The following MAMSTR variants were observed in gnomAD, a reference collection of about 807,000 sequenced individuals.
MAMSTR encodes the protein MEF2-activating motif and SAP domain-containing transcriptional regulator.
A neutral mutation model predicts 42.7 loss-of-function variants in MAMSTR; 41 were observed. That is an observed-to-expected ratio of 0.96 (90% CI 0.75 to 1.25). The LOEUF is 1.25. Among genes scored for constraint, MAMSTR ranks in the 50% most tolerant of loss-of-function variants. The probability of loss-of-function intolerance (pLI) is 0.00; values close to 1 mark genes in which losing one functional copy is unlikely to be tolerated. For missense variants in MAMSTR, 567 were observed against 557.6 expected, an observed-to-expected ratio of 1.02 and a Z score of -0.17; for synonymous variants, 265 against 244.1, an observed-to-expected ratio of 1.09 and a Z score of -0.80.
chr19:48,707,845 A>AAG (rs1416972747), downstream of MAMSTR, among the ~76,000 whole-genome samples: 1 of 87,092 alleles, frequency 1.1e-5, no homozygotes, highest in Non-Finnish European at 2.5e-5. Context: ...AAAGGAAAGA[A>AAG]AGAAAGAAAG....
intron 2 of MAMSTR, among the ~76,000 whole-genome samples, chr19:48,717,459 A>C (rs1203192583): frequency 6.7e-6 from 1 of 149,966 alleles, no homozygotes; most frequent in Non-Finnish European, 1.5e-5. Context: ...GGACTACCTA[A>C]ATTTTTTTGT....
chr19:48,713,522 G>A lies in MAMSTR; in HGVS notation c.993C>T (p.Phe331=), dbSNP rs1019648818. ...GGGACAGCACGTCGAAGGAGCCAGG[G>A]AAGTCCAGGGGAATAGGGGGCAGGG... ...DDPLPPIPLD[F]PGSFDVLSPS... is the part of the protein sequence containing the mutation. The change falls in exon 10 of 10, where the codon TTC becomes TTT. Residue 331 remains phenylalanine (F), a synonymous_variant. Transcript: ENST00000318083. 4.3e-6 allele frequency: 7 copies of A among 1,612,624 alleles called. No homozygotes were observed. In the Admixed American group the frequency reaches 1.2e-4, roughly 27 times the overall value.
downstream of MAMSTR, among the ~76,000 whole-genome samples, chr19:48,708,624 C>G (rs2032686529): frequency 6.6e-6 from 1 of 152,090 alleles, no homozygotes; most frequent in Non-Finnish European, 1.5e-5. Context: ...TTCAGACAGG[C>G]ACCCCACCAA....
intron 3 of MAMSTR, 27 bp downstream of exon 3, chr19:48,716,678 C>A: frequency 1.5e-6 from 2 of 1,332,346 alleles, no homozygotes; most frequent in East Asian, 3.1e-5. Flanking sequence ...GGGTCACCAT[C>A]CCCTCCCTTT....
At chr19:48,718,923 A>G in intron 2 of MAMSTR, 51 bp downstream of exon 2, 1 of 1,332,872 alleles carries the variant, frequency 7.5e-7, no homozygotes, top group South Asian at 1.3e-5. Context: ...ACCCCAGAGT[A>G]CAGCATTCTC....
downstream of MAMSTR, among the ~76,000 whole-genome samples, chr19:48,710,414 CTTTTTTTTTTTT>C (rs551847729): frequency 0.44 from 46,255 of 105,342 alleles, 10,098 homozygotes; most frequent in Middle Eastern, 0.58. Flanking sequence ...TGGGCCCAAT[CTTTTTTTTTTTT>C]TTTTTTTTTT....
downstream of MAMSTR, among the ~76,000 whole-genome samples, chr19:48,709,695 C>A (rs2032697234): frequency 6.6e-6 from 1 of 152,154 alleles, no homozygotes; most frequent in East Asian, 1.9e-4. Context: ...CCTATGTAAA[C>A]CAGCCAATCC....
intron 2 of MAMSTR, among the ~76,000 whole-genome samples, chr19:48,718,598 T>C (rs2033138109): frequency 6.6e-6 from 1 of 152,214 alleles, no homozygotes; most frequent in East Asian, 1.9e-4. Context: ...AACAAGACCT[T>C]TGACACTTTC....
chr19:48,708,308 C>T (rs1372529194), downstream of MAMSTR, among the ~76,000 whole-genome samples: 1 of 151,036 alleles, frequency 6.6e-6, no homozygotes, highest in Non-Finnish European at 1.5e-5. Flanking sequence ...ATATTTTTTC[C>T]AGTCTACACA....
chr19:48,715,915 G>A, intron 3 of MAMSTR, 148 bp from the exon 4 acceptor site: 2 of 1,435,424 alleles, frequency 1.4e-6, no homozygotes, highest in Non-Finnish European at 1.8e-6. Flanking sequence ...GCCTGAACTG[G>A]ATCTGAGGGC....
rs1601247496 is a variant in MAMSTR at position 48,713,970 on chromosome 19, T to G, written c.799A>C (p.Thr267Pro). ...GCTGCAGCAGGAGCCGGAGTGGGAG[T>G]TGGAGCCGGAGCCGTCCCCGGGGTA... ...ADTPGTAPAP[T>P]PTPAPAAAPA... The change falls in exon 8 of 10, where the codon ACT becomes CCT. Residue 267 changes from threonine (T) to proline (P), a missense_variant. Transcript: ENST00000318083. 1 of 1,613,014 alleles carries G rather than the reference T, an allele frequency of 6.2e-7. No individual in the cohort carries two copies. The highest frequency in any genetic ancestry group is 8.5e-7 in the Non-Finnish European group (1 of 1,179,664).
chr19:48,719,024 A>G lies in MAMSTR; in HGVS notation c.8T>C (p.Leu3Pro). 2 of 1,547,228 alleles carry G rather than the reference A, an allele frequency of 1.3e-6. No homozygotes were observed. The highest frequency in any genetic ancestry group is 1.7e-6 in the Non-Finnish European group (2 of 1,144,388). Residue 3 changes from leucine to proline, a missense_variant, in exon 2 of 10, where the codon CTG becomes CCG. By Grantham distance (98) the Leu-to-Pro change is moderately conservative. Transcript: ENST00000318083. The surrounding 1 kb of genome is among the most constrained non-coding windows in gnomAD (Gnocchi z 4.4). ...TTGGGAACGCTGGGAGGAAGCCGCC[A>G]GGGTCATTGCCAAGGCCGGGATGGG... MT[L>P]AASSQRSQII...
downstream of MAMSTR, among the ~76,000 whole-genome samples, chr19:48,708,288 A>G (rs1364137527): frequency 1.3e-5 from 2 of 150,780 alleles, no homozygotes; most frequent in Admixed American, 1.3e-4. Context: ...GAGAGGAAGG[A>G]GGAGGAGAAA....
downstream of MAMSTR, among the ~76,000 whole-genome samples, chr19:48,711,793 T>G (rs113561372): frequency 8.0e-5 from 11 of 138,254 alleles, no homozygotes; most frequent in African/African-American, 3.0e-4. Context: ...TTGCCCAGGC[T>G]GGAGTGTGGT....
chr19:48,707,866 A>AG (rs2032671084), downstream of MAMSTR, among the ~76,000 whole-genome samples: 2 of 113,024 alleles, frequency 1.8e-5, no homozygotes, highest in Admixed American at 1.7e-4. Flanking sequence ...AAAGAAAGAA[A>AG]GAAAGAAAGA....
In MAMSTR at chr19:48,713,698, T is replaced by C; in HGVS notation, c.964+18A>G. On this transcript the variant is annotated intron_variant, in intron 9 of 9. Coordinates refer to ENST00000318083, the MANE Select transcript of MAMSTR (RefSeq NM_001130915.2). ...CCTCAGCCCCCACCTCCCCTAAATC[T>C]AGCAGTTTGGATCCTACCATCAGGC... 6.2e-7 allele frequency: 1 copy of C among 1,614,062 alleles called. No homozygotes were observed. The highest frequency in any genetic ancestry group is 8.5e-7 in the Non-Finnish European group (1 of 1,179,934).
At chr19:48,715,933 T>G in intron 3 of MAMSTR, 166 bp from the exon 4 acceptor site, 1 of 1,412,974 alleles carries the variant, frequency 7.1e-7, no homozygotes, top group Admixed American at 3.5e-5. Context: ...GGCGGAGGTG[T>G]GGGGGGGCTC....
At chr19:48,707,901 A>AAAAGAAAGGAAGGAAGG (rs1281685985), downstream of MAMSTR, among the ~76,000 whole-genome samples, 2 of 128,452 alleles carry the variant, frequency 1.6e-5, no homozygotes, top group Non-Finnish European at 3.4e-5. Flanking sequence ...AGAAAGAAAG[A>AAAAGAAAGGAAGGAAGG]AAGGAAGAAA....
Position 48,715,610 on chromosome 19 carries a change from C to T in MAMSTR, c.240+15G>A. On this transcript the variant is annotated intron_variant, in intron 4 of 9. Transcript: ENST00000318083. ...TAGGCTCTCAGAGGGACCTCTCCCT[C>T]CAGTCGAGACTCACCTTCTTTGGGG... 4 of 1,526,204 alleles carry T rather than the reference C, an allele frequency of 2.6e-6. No individual in the cohort carries two copies. Among genetic ancestry groups the T allele is most frequent in the Non-Finnish European group, 8.8e-7 (1 of 1,140,368 alleles). 94.5% of individuals were successfully genotyped at this position (1,526,204 alleles called of 1,614,324 possible). A position where few individuals can be genotyped will look rare whatever the true frequency, so the allele number is the denominator to read the frequency against.
Sources: gnomAD v4.1 joint callset for allele counts (sites outside exome capture counted in the v4.1 genomes callset) on GRCh38, gnomAD v4.1.1 for gene constraint, Gnocchi (gnomAD v3.1) non-coding constraint, MANE v1.5 for transcripts, NCBI Gene and HGNC (gene_info 2026-07-23, HGNC 2026-07-21) for gene names.